The following WDR64 variants were observed in gnomAD, a reference collection of about 807,000 sequenced individuals.
WDR64 encodes the protein WD repeat-containing protein 64.
WDR64 carries 112 observed loss-of-function variants against 139.3 expected under a neutral mutation model. The ratio of observed to expected loss-of-function variants is 0.80; its 90% CI spans 0.69 to 0.94. The LOEUF (loss-of-function observed/expected upper bound fraction) is 0.94, where lower values mean the gene tolerates loss of function less well. Ranked by LOEUF, WDR64 falls within the 40% of genes least tolerant of loss-of-function variation. The pLI, the probability that WDR64 is intolerant of heterozygous loss-of-function variation, is 0.00. For missense variants in WDR64, 1,206 were observed against 1,293.1 expected (o/e 0.93, Z 1.03); for synonymous variants, 444 against 437.7 (o/e 1.01, Z -0.18).
At chr1:241,784,313 G>A (rs1340640199) in intron 23 of WDR64, among the ~76,000 whole-genome samples, 1 of 152,188 alleles carries the variant, frequency 6.6e-6, no homozygotes, top group Non-Finnish European at 1.5e-5. Flanking sequence ...GCAAAAGTGG[G>A]AGCAAAGAGA....
intron 4 of WDR64, chr1:241,675,994 G>C (rs1666541563): frequency 6.6e-6 from 1 of 152,144 alleles, no homozygotes; most frequent in Admixed American, 6.5e-5. Flanking sequence ...CTAATGATTA[G>C]TTCATTTCCA....
chr1:241,776,247 T>G (rs1264294849), intron 21 of WDR64, among the ~76,000 whole-genome samples: 1 of 151,806 alleles, frequency 6.6e-6, no homozygotes, highest in African/African-American at 2.4e-5. Flanking sequence ...CCCAGCTAAT[T>G]TTTGTATTTT....
At chr1:241,796,494 T>A in intron 27 of WDR64, 124 bp downstream of exon 27, 2 of 235,526 alleles carry the variant, frequency 8.5e-6, no homozygotes, top group Non-Finnish European at 1.4e-5. Context: ...AGTTCATACT[T>A]TTTTTTTTTT....
chr1:241,735,671 A>G (rs1669279552), intron 10 of WDR64, among the ~76,000 whole-genome samples: 1 of 151,336 alleles, frequency 6.6e-6, no homozygotes, highest in East Asian at 1.9e-4. Flanking sequence ...AGTAGCTGGG[A>G]TTACAGGCGT....
At position 241,717,442 on chromosome 1, in the gene WDR64, T is replaced by A. The variant is rs182137709; in HGVS notation, c.1054+5561T>A. On this transcript the variant is annotated intron_variant, in intron 9 of 27. Coordinates refer to ENST00000437684, the MANE Select transcript of WDR64 (RefSeq NM_001367482.1). ...CTTCCTGGACCACAGAAATCTGGTTTACTAGATGCTATCTCTCTCCTGCTT... is the reference window on the plus strand; with the variant it reads ...CTTCCTGGACCACAGAAATCTGGTTAACTAGATGCTATCTCTCTCCTGCTT... 2.7e-3 allele frequency among the ~76,000 whole-genome samples: 408 copies of A among 152,226 alleles called. 2 individuals are homozygous for A. Among genetic ancestry groups the A allele is most frequent in the African/African-American group, 9.2e-3 (381 of 41,544 alleles).
chr1:241,773,887 A>G (rs1658555036), intron 20 of WDR64, among the ~76,000 whole-genome samples: 1 of 152,266 alleles, frequency 6.6e-6, no homozygotes, highest in African/African-American at 2.4e-5. Flanking sequence ...AAGGATATTA[A>G]TGGTGTATTA....
intron 25 of WDR64, 150 bp from the exon 26 acceptor site, chr1:241,795,057 T>A: frequency 1.6e-6 from 1 of 624,764 alleles, no homozygotes; most frequent in South Asian, 2.0e-5. Context: ...TTGCTATACA[T>A]ATTATTTATT....
chr1:241,674,042 C>T (rs1573995335), intron 3 of WDR64, among the ~76,000 whole-genome samples: 1 of 152,086 alleles, frequency 6.6e-6, no homozygotes, highest in African/African-American at 2.4e-5. Flanking sequence ...TATGCACATG[C>T]ACGTGTGTGT....
intron 22 of WDR64, 55 bp from the exon 23 acceptor site, chr1:241,783,217 C>T: frequency 6.9e-7 from 1 of 1,453,736 alleles, no homozygotes. Context: ...TTGAAGATTA[C>T]ATTTTTACTA....
intron 14 of WDR64, among the ~76,000 whole-genome samples, chr1:241,754,964 C>G (rs556353560): frequency 6.6e-6 from 1 of 152,284 alleles, no homozygotes; most frequent in East Asian, 1.9e-4. Context: ...TTTATCCAGT[C>G]TATCATTGAT....
chr1:241,768,399 G>A (rs930124188), intron 16 of WDR64, among the ~76,000 whole-genome samples: 6 of 152,154 alleles, frequency 3.9e-5, no homozygotes, highest in Non-Finnish European at 5.9e-5. Context: ...CCATCTCTTT[G>A]TCTACCACAA....
intron 15 of WDR64, 72 bp downstream of exon 15, chr1:241,757,531 T>C: frequency 3.6e-6 from 5 of 1,392,242 alleles, no homozygotes; most frequent in Non-Finnish European, 3.9e-6. Context: ...TATATAAAGG[T>C]ACAGAAAATA....
intron 10 of WDR64, 37 bp downstream of exon 10, chr1:241,723,473 T>C: frequency 6.2e-7 from 1 of 1,601,908 alleles, no homozygotes. Context: ...AACTAGTTTT[T>C]TCCGGAAAAT....
At position 241,711,881 on chromosome 1, in the gene WDR64, G is replaced by A. The variant is rs773774286; in HGVS notation, c.1054G>A (p.Gly352Arg). The A allele has an allele frequency of 6.2e-7, 1 of 1,614,052 alleles. No homozygotes were observed. Among genetic ancestry groups the A allele is most frequent in the African/African-American group, 1.3e-5 (1 of 74,930 alleles). Reference sequence around the variant, plus strand: ...TAAGGCAAATGTGATTGTCACTGGAGGTGAGAGGGCGGTTCACATTACATA... The same window carrying A: ...TAAGGCAAATGTGATTGTCACTGGAAGTGAGAGGGCGGTTCACATTACATA... ...CVKANVIVTGGDDKVIRLWHP... is the reference protein window; with the variant it reads ...CVKANVIVTGRDDKVIRLWHP... The change falls in exon 9 of 28, where the codon GGA (glycine) becomes AGA (arginine). Residue 352 changes from glycine to arginine, a missense_variant and splice_region_variant. Coordinates refer to ENST00000437684, the MANE Select transcript of WDR64 (RefSeq NM_001367482.1).
intron 15 of WDR64, among the ~76,000 whole-genome samples, chr1:241,762,128 A>G (rs1236570613): frequency 6.6e-6 from 1 of 152,188 alleles, no homozygotes; most frequent in Non-Finnish European, 1.5e-5. Flanking sequence ...TATGGCAGCT[A>G]TAGCCTTACA....
Position 241,775,220 on chromosome 1 carries a change from T to C in WDR64, c.2536+10T>C, listed in dbSNP as rs1158491856. The stretch of plus-strand genomic sequence containing the variant: ...CTGGCTGGAAATGTGGGTGAGTCAT[T>C]ACTCTTAGACATTCAGTGACAGGTG... On this transcript the variant is annotated intron_variant, in intron 21 of 27. Transcript: ENST00000437684. 2 of 1,545,706 alleles carry C rather than the reference T, an allele frequency of 1.3e-6. No individual in the cohort carries two copies. Among genetic ancestry groups the C allele is most frequent in the Non-Finnish European group, 1.7e-6 (2 of 1,143,972 alleles).
At chr1:241,693,777 A>G (rs1384113156) in intron 8 of WDR64, among the ~76,000 whole-genome samples, 1 of 152,230 alleles carries the variant, frequency 6.6e-6, no homozygotes, top group African/African-American at 2.4e-5. Context: ...CAACAGCCAT[A>G]TTATTCGGAT....
intron 19 of WDR64, among the ~76,000 whole-genome samples, chr1:241,772,287 T>A (rs1487267168): frequency 6.8e-6 from 1 of 146,828 alleles, no homozygotes; most frequent in Admixed American, 6.8e-5. Flanking sequence ...TTCAATTTTT[T>A]AATGTTTTTT....
At position 241,653,606 on chromosome 1, in the gene WDR64, C is replaced by T. The variant is rs533740484; in HGVS notation, c.145+977C>T. Among the ~76,000 whole-genome samples the T allele has an allele frequency of 5.4e-5, 8 of 147,916 alleles. No individual in the cohort carries two copies. In the South Asian group the frequency reaches 6.4e-4, roughly 12 times the overall value. On this transcript the variant is annotated intron_variant, in intron 1 of 27. Transcript: ENST00000437684. The stretch of plus-strand genomic sequence containing the variant: ...TTGCCCAGGCTGGAGTGAAATGGTG[C>T]GATCTCGGCTCTCTGCAACCTCTGC...
Sources: allele counts gnomAD v4.1 joint callset (sites outside exome capture counted in the v4.1 genomes callset), GRCh38; gene constraint gnomAD v4.1.1; transcripts MANE v1.5; gene names NCBI Gene and HGNC (gene_info 2026-07-23, HGNC 2026-07-21).